The following ERBB4 variants were observed in gnomAD, a reference collection of about 807,000 sequenced individuals.
ERBB4 encodes the protein receptor tyrosine-protein kinase erbB-4.
Under a neutral mutation model 158.0 loss-of-function variants are expected in ERBB4, and 42 were observed. The ratio of observed to expected loss-of-function variants is 0.27; its 90% CI spans 0.21 to 0.34. ERBB4 has a LOEUF of 0.34. ERBB4 is among the 10% of genes least tolerant of loss of function. The pLI is 1.00. For missense variants in ERBB4, 1,333 were observed against 1,624.1 expected (o/e 0.82, Z 3.08); for synonymous variants, 583 against 558.7 (o/e 1.04, Z -0.61).
intron 2 of ERBB4, among the ~76,000 whole-genome samples, chr2:211,951,343 C>T (rs1430286414): frequency 6.6e-6 from 1 of 152,040 alleles, no homozygotes; most frequent in Non-Finnish European, 1.5e-5. Context: ...CTTGGCATGG[C>T]ATTTGGATCA....
At chr2:211,430,455 T>C (rs2063724373) in intron 21 of ERBB4, among the ~76,000 whole-genome samples, 1 of 152,136 alleles carries the variant, frequency 6.6e-6, no homozygotes, top group African/African-American at 2.4e-5. Context: ...AGGCTGAGAC[T>C]AGAGGGTCAG....
intron 2 of ERBB4, among the ~76,000 whole-genome samples, chr2:212,044,224 C>T (rs562767768): frequency 2.6e-5 from 4 of 152,008 alleles, no homozygotes; most frequent in South Asian, 2.1e-4. Context: ...GGATTATAGT[C>T]GTTTAAAATA....
chr2:212,432,358 C>G (rs1181031760), intron 1 of ERBB4, among the ~76,000 whole-genome samples: 1 of 152,022 alleles, frequency 6.6e-6, no homozygotes, highest in East Asian at 1.9e-4. Context: ...AAATATATTA[C>G]TGGTTGCAAT....
chr2:211,649,133 C>G (rs946374246), intron 16 of ERBB4, among the ~76,000 whole-genome samples: 2 of 151,794 alleles, frequency 1.3e-5, no homozygotes, highest in African/African-American at 4.8e-5. Flanking sequence ...ATAAAATACT[C>G]TGTGTGAGAA....
At chr2:212,522,070 A>G (rs1386611473) in intron 1 of ERBB4, among the ~76,000 whole-genome samples, 1 of 152,020 alleles carries the variant, frequency 6.6e-6, no homozygotes, top group Non-Finnish European at 1.5e-5. Flanking sequence ...CTATGTTGCC[A>G]GCATACTTCT....
At chr2:212,381,522 A>T (rs1239779470) in intron 1 of ERBB4, among the ~76,000 whole-genome samples, 1 of 151,230 alleles carries the variant, frequency 6.6e-6, no homozygotes, top group Non-Finnish European at 1.5e-5. Context: ...CTAACCTAAA[A>T]CTTTCTTAAC....
intron 1 of ERBB4, among the ~76,000 whole-genome samples, chr2:212,411,632 T>C (rs1054696922): frequency 6.6e-6 from 1 of 152,100 alleles, no homozygotes; most frequent in Non-Finnish European, 1.5e-5. Context: ...TTGGTGAGGA[T>C]CTCGTGTTGG....
intron 3 of ERBB4, among the ~76,000 whole-genome samples, chr2:211,876,557 G>A (rs138426024): frequency 0.015 from 2,341 of 152,074 alleles, 39 homozygotes; most frequent in African/African-American, 0.041. Context: ...CTGTGTGTTC[G>A]GTGAGAAAAA....
At chr2:212,134,160 C>T (rs868664108) in intron 1 of ERBB4, among the ~76,000 whole-genome samples, 1 of 151,768 alleles carries the variant, frequency 6.6e-6, no homozygotes, top group African/African-American at 2.4e-5. Context: ...TTGAATATTG[C>T]AATTTATCAT....
At chr2:211,701,687 C>A (rs2073250640) in intron 12 of ERBB4, among the ~76,000 whole-genome samples, 1 of 129,776 alleles carries the variant, frequency 7.7e-6, no homozygotes, top group Non-Finnish European at 1.6e-5. Flanking sequence ...ACCTGGGAGG[C>A]GGAGCTTGCA....
chr2:211,561,963 G>T lies in ERBB4; in HGVS notation c.2427C>A (p.His809Gln). The T allele has an allele frequency of 1.2e-6, 2 of 1,614,078 alleles. No individual in the cohort carries two copies. The highest frequency in any genetic ancestry group is 1.3e-5 in the African/African-American group (1 of 75,030). ...MPHGCLLEYV[H>Q]EHKDNIGSQL... The stretch of plus-strand genomic sequence containing the variant: ...GTGATCCAATGTTATCCTTGTGCTC[G>T]TGGACATACTCCAACAGGCAGCCAT... The change falls in exon 20 of 28, where the codon CAC becomes CAA. Residue 809 changes from histidine (H) to glutamine (Q), a missense_variant. This residue lies in a region of ERBB4 where 314 missense variants were observed against 437.6 expected (regional missense o/e 0.72). Coordinates refer to ENST00000342788, the MANE Select transcript of ERBB4 (RefSeq NM_005235.3).
chr2:212,292,758 C>T (rs1298789385), intron 1 of ERBB4, among the ~76,000 whole-genome samples: 2 of 151,996 alleles, frequency 1.3e-5, no homozygotes, highest in African/African-American at 4.8e-5. Flanking sequence ...GTTGTTTAGC[C>T]TAGTAGACAT....
intron 1 of ERBB4, among the ~76,000 whole-genome samples, chr2:212,436,550 A>G (rs1369145565): frequency 6.6e-6 from 1 of 152,070 alleles, no homozygotes; most frequent in African/African-American, 2.4e-5. Context: ...TCAATCTCTC[A>G]GAGATTTCAT....
chr2:211,845,728 G>T (rs1016426428), intron 3 of ERBB4, among the ~76,000 whole-genome samples: 6 of 152,070 alleles, frequency 3.9e-5, no homozygotes, highest in African/African-American at 1.4e-4. Context: ...TTTATGTTTG[G>T]CTATTTGTTT....
intron 13 of ERBB4, 112 bp downstream of exon 13, chr2:211,678,940 C>G: frequency 9.7e-7 from 1 of 1,035,738 alleles, no homozygotes; most frequent in East Asian, 3.2e-5. Flanking sequence ...GCACTCCAGC[C>G]AGGGCGACAG....
At chr2:212,016,024 C>T (rs1362175927) in intron 2 of ERBB4, among the ~76,000 whole-genome samples, 1 of 142,388 alleles carries the variant, frequency 7.0e-6, no homozygotes, top group Admixed American at 6.8e-5. Context: ...GGACTACTGA[C>T]CAGAAAAAAA....
rs554973904 is a variant in ERBB4 at position 211,467,459 on chromosome 2, ATTT to A, written c.2488-36362_2488-36360del. ...TGTTGTTTTTAGGCAGCACTAATGT[ATTT>A]TTGTTTTGTACTGTAAGCTGTGCCT... On this transcript the variant is annotated intron_variant, in intron 20 of 27. Coordinates refer to ENST00000342788, the MANE Select transcript of ERBB4 (RefSeq NM_005235.3). 1.2e-3 allele frequency among the ~76,000 whole-genome samples: 183 copies of A among 152,228 alleles called. 1 individual carries two copies. Among genetic ancestry groups the A allele is most frequent in the South Asian group, 0.011 (54 of 4,826 alleles).
chr2:211,635,001 G>A (rs1042702743), intron 16 of ERBB4, among the ~76,000 whole-genome samples: 6 of 152,198 alleles, frequency 3.9e-5, no homozygotes, highest in South Asian at 4.1e-4. Flanking sequence ...GTGAATCAGC[G>A]GAAGCGATAA....
chr2:212,168,068 T>TAA (rs10594490), intron 1 of ERBB4, among the ~76,000 whole-genome samples: 7 of 149,612 alleles, frequency 4.7e-5, no homozygotes, highest in Non-Finnish European at 1.0e-4. Flanking sequence ...AAATTAAAAT[T>TAA]AAAAAAAAAA....
Sources: gnomAD v4.1 joint callset for allele counts (sites outside exome capture counted in the v4.1 genomes callset) on GRCh38, gnomAD v4.1.1 for gene constraint, gnomAD v4.1.1 regional missense constraint, MANE v1.5 for transcripts, NCBI Gene and HGNC (gene_info 2026-07-23, HGNC 2026-07-21) for gene names.